EBF1: variants seen among roughly 807,000 people sequenced by gnomAD.
EBF1 encodes EBF transcription factor 1, also known as transcription factor COE1.
In EBF1, 10 loss-of-function variants were observed where a neutral mutation model predicts 68.4. The observed-to-expected ratio is 0.15, with a 90% confidence interval of 0.09 to 0.25. EBF1 has a LOEUF of 0.25. EBF1 is among the 10% of genes least tolerant of loss of function. The pLI is 1.00. For synonymous variants in EBF1, 298 were observed against 299.8 expected, an observed-to-expected ratio of 0.99 and a Z score of 0.06; for missense variants, 509 against 794.4, an observed-to-expected ratio of 0.64 and a Z score of 4.32.
rs577388674 is a variant in EBF1, at chr5:158,957,055, T to A, written c.554+116341A>T. On this transcript the variant is annotated intron_variant, in intron 6 of 15. Coordinates refer to ENST00000313708, the MANE Select transcript of EBF1 (RefSeq NM_024007.5). ...TTACAGGCGTGAGCCACACTTCTAA[T>A]GAAAAATGCTAGCAGCTCCCAATTA... Among the ~76,000 whole-genome samples the A allele has an allele frequency of 8.5e-5, 13 of 152,176 alleles. No individual in the cohort carries two copies. The East Asian group carries it at 1.4e-3, about 16-fold the overall frequency.
At chr5:158,915,343 T>A (rs934301341) in intron 6 of EBF1, among the ~76,000 whole-genome samples, 1 of 152,210 alleles carries the variant, frequency 6.6e-6, no homozygotes, top group African/African-American at 2.4e-5. Context: ...AACACAAATT[T>A]ACCATTTCCA....
At chr5:159,010,492 C>A (rs192862124) in intron 6 of EBF1, among the ~76,000 whole-genome samples, 3 of 152,230 alleles carry the variant, frequency 2.0e-5, no homozygotes, top group East Asian at 1.9e-4. Context: ...TACTCCCCCC[C>A]AGAAGCATGA....
chr5:158,741,846 C>T (rs1766484699), intron 10 of EBF1, among the ~76,000 whole-genome samples: 1 of 152,214 alleles, frequency 6.6e-6, no homozygotes, highest in African/African-American at 2.4e-5. Context: ...ATAATTACAA[C>T]AGCAGCAACA....
Position 159,002,506 on chromosome 5 carries a change from A to C in EBF1, c.554+70890T>G, listed in dbSNP as rs566051092. On this transcript the variant is annotated intron_variant, in intron 6 of 15. Coordinates refer to ENST00000313708, the MANE Select transcript of EBF1 (RefSeq NM_024007.5). Reference sequence around the variant, plus strand: ...GCTTTTCCTGAATAAATATAAAAAGAAACAAAGAAATCTCCACCCTTTTCA... The same window carrying C: ...GCTTTTCCTGAATAAATATAAAAAGCAACAAAGAAATCTCCACCCTTTTCA... Among the ~76,000 whole-genome samples the C allele has an allele frequency of 1.5e-4, 23 of 152,328 alleles. 1 individual carries two copies. In the South Asian group the frequency reaches 4.8e-3, roughly 32 times the overall value.
At chr5:159,055,932 C>T (rs1350851409) in intron 6 of EBF1, among the ~76,000 whole-genome samples, 1 of 152,170 alleles carries the variant, frequency 6.6e-6, no homozygotes, top group Admixed American at 6.5e-5. Flanking sequence ...AATTAACATG[C>T]TGGGTCCTTT....
In EBF1 at chr5:159,051,398, C is replaced by A. The variant is rs1296154730; in HGVS notation, c.554+21998G>T. 1.2e-4 allele frequency among the ~76,000 whole-genome samples: 16 copies of A among 128,068 alleles called. No homozygotes were observed. In the East Asian group the frequency reaches 3.9e-3, roughly 31 times the overall value. 84.0% of individuals were successfully genotyped at this position (128,068 alleles called of 152,430 possible). A position where few individuals can be genotyped will look rare whatever the true frequency, so the allele number is the denominator to read the frequency against. On this transcript the variant is annotated intron_variant, in intron 6 of 15. Transcript: ENST00000313708. Reference sequence around the variant, plus strand: ...GTGAGCGCTAGGCCCCGCCTCGGGCCGCATTCCCTCCCCCTCCCCCCCGCT... The same window carrying A: ...GTGAGCGCTAGGCCCCGCCTCGGGCAGCATTCCCTCCCCCTCCCCCCCGCT...
chr5:159,053,865 A>C (rs1774270763), intron 6 of EBF1, among the ~76,000 whole-genome samples: 1 of 152,176 alleles, frequency 6.6e-6, no homozygotes, highest in Non-Finnish European at 1.5e-5. Context: ...ATTTGCTCCT[A>C]AGGGCCCTTT....
chr5:158,721,021 T>C (rs571399468), intron 11 of EBF1, among the ~76,000 whole-genome samples: 2 of 152,258 alleles, frequency 1.3e-5, no homozygotes, highest in East Asian at 3.9e-4. Flanking sequence ...ACAGTAAAAA[T>C]CTCTAGACAT....
chr5:159,096,888 T>C (rs1228994246), intron 2 of EBF1, 86 bp downstream of exon 2: 7 of 1,507,800 alleles, frequency 4.6e-6, no homozygotes, highest in South Asian at 2.5e-5. Context: ...TGCTTTGCAC[T>C]CAAGGAAGGG....
chr5:159,060,627 T>C (rs999963660), intron 6 of EBF1, among the ~76,000 whole-genome samples: 4 of 152,210 alleles, frequency 2.6e-5, no homozygotes, highest in Non-Finnish European at 5.9e-5. Context: ...ATAGTGAAAG[T>C]ACTCTCCTCA....
intron 6 of EBF1, among the ~76,000 whole-genome samples, chr5:159,031,895 A>G (rs575522013): frequency 1.3e-5 from 2 of 151,998 alleles, no homozygotes; most frequent in Non-Finnish European, 2.9e-5. Context: ...AAAATATAAA[A>G]CAAAACCCGC....
chr5:158,866,817 G>GTA (rs1795948885), intron 6 of EBF1, among the ~76,000 whole-genome samples: 1 of 102,140 alleles, frequency 9.8e-6, no homozygotes, highest in Admixed American at 1.3e-4. Flanking sequence ...AGTAATATAT[G>GTA]TATATATATG....
intron 6 of EBF1, among the ~76,000 whole-genome samples, chr5:159,072,725 G>A (rs181150471): frequency 7.2e-5 from 11 of 152,126 alleles, no homozygotes; most frequent in African/African-American, 2.2e-4. Flanking sequence ...TGCATAATGC[G>A]TGCACACTGA....
intron 4 of EBF1, among the ~76,000 whole-genome samples, chr5:159,092,813 C>T (rs181136914): frequency 4.6e-5 from 7 of 152,178 alleles, no homozygotes; most frequent in Admixed American, 3.9e-4. Flanking sequence ...ATGATGTTAT[C>T]AGAACTTATC....
At chr5:158,996,020 T>C (rs1419483036) in intron 6 of EBF1, among the ~76,000 whole-genome samples, 1 of 152,204 alleles carries the variant, frequency 6.6e-6, no homozygotes, top group East Asian at 1.9e-4. Context: ...TTTCTAGCTG[T>C]CTGGCCTCCA....
intron 6 of EBF1, among the ~76,000 whole-genome samples, chr5:158,864,504 G>T (rs1230996610): frequency 6.6e-6 from 1 of 152,076 alleles, no homozygotes; most frequent in Non-Finnish European, 1.5e-5. Flanking sequence ...ACAAATGGTT[G>T]CCCCAGTAGT....
Position 158,896,463 on chromosome 5 carries a change from A to G in EBF1, c.555-56353T>C, listed in dbSNP as rs78637989. ...TTTCTGAAGACCTGTAATGTACTAC[A>G]TGCTGACTGTTTTTCATAATTCTCT... On this transcript the variant is annotated intron_variant, in intron 6 of 15. Coordinates refer to ENST00000313708, the MANE Select transcript of EBF1 (RefSeq NM_024007.5). 1.9e-3 allele frequency among the ~76,000 whole-genome samples: 297 copies of G among 152,358 alleles called. 2 individuals carry two copies. The highest frequency in any genetic ancestry group is 6.8e-3 in the African/African-American group (281 of 41,588).
intron 6 of EBF1, among the ~76,000 whole-genome samples, chr5:159,042,846 C>T (rs550961891): frequency 7.3e-6 from 1 of 136,230 alleles, no homozygotes; most frequent in South Asian, 2.4e-4. Context: ...TTTTTATTTA[C>T]CAAACATTCA....
chr5:158,700,787 CT>C (rs1756581888), intron 15 of EBF1, among the ~76,000 whole-genome samples: 1 of 152,146 alleles, frequency 6.6e-6, no homozygotes, highest in African/African-American at 2.4e-5. Context: ...TTGCAAGAGC[CT>C]TTTTGCAGCC....
Sources: gnomAD v4.1 joint callset for allele counts (sites outside exome capture counted in the v4.1 genomes callset) on GRCh38, gnomAD v4.1.1 for gene constraint, MANE v1.5 for transcripts, NCBI Gene and HGNC (gene_info 2026-07-23, HGNC 2026-07-21) for gene names.